The following CSRNP3 variants were observed in gnomAD, a reference collection of about 807,000 sequenced individuals.
The protein encoded by CSRNP3 is cysteine and serine rich nuclear protein 3.
In CSRNP3, 12 loss-of-function variants were observed where a neutral mutation model predicts 48.0. That is an observed-to-expected ratio of 0.25 (90% CI 0.16 to 0.41). The LOEUF is 0.41. Among genes scored for constraint, CSRNP3 ranks in the 10% least tolerant of loss-of-function variants. The pLI is 1.00. For synonymous variants in CSRNP3, 263 were observed against 269.7 expected, an observed-to-expected ratio of 0.98 and a Z score of 0.24; for missense variants, 580 against 724.4, an observed-to-expected ratio of 0.80 and a Z score of 2.29.
At chr2:165,629,846 C>T (rs729869) in intron 4 of CSRNP3, among the ~76,000 whole-genome samples, 38,699 of 152,092 alleles carry the variant, frequency 0.25, 5,607 homozygotes, top group Non-Finnish European at 0.32. Flanking sequence ...CTTTATTTGT[C>T]TTCATTTTGC....
At chr2:165,533,303 T>C (rs1684839146) in intron 3 of CSRNP3, among the ~76,000 whole-genome samples, 1 of 152,192 alleles carries the variant, frequency 6.6e-6, no homozygotes, top group South Asian at 2.1e-4. Context: ...ATACAAAAGT[T>C]CAATTAGAAT....
At chr2:165,583,416 G>A (rs2105285034) in intron 3 of CSRNP3, among the ~76,000 whole-genome samples, 1 of 152,254 alleles carries the variant, frequency 6.6e-6, no homozygotes, top group Middle Eastern at 3.4e-3. Flanking sequence ...TTTTTTAAAA[G>A]TTAAAAATAT....
chr2:165,525,006 G>A (rs1684714517), intron 3 of CSRNP3, among the ~76,000 whole-genome samples: 1 of 152,146 alleles, frequency 6.6e-6, no homozygotes, highest in South Asian at 2.1e-4. Context: ...CTGCAAAATT[G>A]TTTCCCAAAA....
rs1435497829 is a variant in CSRNP3 at position 165,681,569 on chromosome 2, C to A, written c.*1816C>A. 1.3e-5 allele frequency: 2 copies of A among 151,402 alleles called. No homozygotes were observed. The highest frequency in any genetic ancestry group is 2.4e-5 in the African/African-American group (1 of 41,206). 9.4% of individuals were successfully genotyped at this position (151,402 alleles called of 1,614,324 possible). ...TTGGTTTCTGCCCCTTCTCTTCCCC[C>A]CTACATTGGGCCAAATTTATAACTC... On this transcript the variant is annotated 3_prime_UTR_variant, in exon 7 of 7. Coordinates refer to ENST00000651982, the MANE Select transcript of CSRNP3 (RefSeq NM_001172173.2).
intron 2 of CSRNP3, among the ~76,000 whole-genome samples, chr2:165,517,001 T>A (rs970943985): frequency 9.2e-5 from 14 of 152,108 alleles, no homozygotes; most frequent in Admixed American, 5.2e-4. Flanking sequence ...CTATTGTCAT[T>A]GGCTATGATC....
Position 165,654,521 on chromosome 2 carries a change from C to T in CSRNP3, c.149-3240C>T, listed in dbSNP as rs144625317. On this transcript the variant is annotated intron_variant, in intron 4 of 6. Coordinates refer to ENST00000651982, the MANE Select transcript of CSRNP3 (RefSeq NM_001172173.2). ...ATTGCTGTGCTAAGGTCATAATTCT[C>T]TTACTCTCTAATCTTCTGAGTCTCT... 7.4e-3 allele frequency among the ~76,000 whole-genome samples: 1,130 copies of T among 152,326 alleles called. 21 individuals are homozygous for T. Among genetic ancestry groups the T allele is most frequent in the African/African-American group, 0.025 (1,060 of 41,586 alleles).
chr2:165,482,201 T>C (rs1048423150), intron 1 of CSRNP3, among the ~76,000 whole-genome samples: 1 of 152,064 alleles, frequency 6.6e-6, no homozygotes, highest in African/African-American at 2.4e-5. Context: ...GATTCACCAT[T>C]TCCTAAATGG....
At chr2:165,516,708 A>C (rs1006553281) in intron 2 of CSRNP3, among the ~76,000 whole-genome samples, 1 of 152,140 alleles carries the variant, frequency 6.6e-6, no homozygotes, top group Non-Finnish European at 1.5e-5. Context: ...AAACTGACTC[A>C]ATAACCTCTA....
At chr2:165,487,947 A>G (rs1247824123) in intron 1 of CSRNP3, among the ~76,000 whole-genome samples, 1 of 138,492 alleles carries the variant, frequency 7.2e-6, no homozygotes, top group Non-Finnish European at 1.6e-5. Context: ...ACATAACAAT[A>G]TTAACTTTAA....
chr2:165,521,546 C>G (rs533794816), intron 3 of CSRNP3, among the ~76,000 whole-genome samples: 1 of 152,156 alleles, frequency 6.6e-6, no homozygotes, highest in African/African-American at 2.4e-5. Context: ...AAACCAACAC[C>G]CACATGAATT....
intron 4 of CSRNP3, among the ~76,000 whole-genome samples, chr2:165,607,467 A>G (rs550419525): frequency 5.3e-5 from 8 of 152,264 alleles, no homozygotes; most frequent in African/African-American, 1.9e-4. Flanking sequence ...GTAGGGACCC[A>G]TATCTTCCCC....
At chr2:165,489,918 A>G (rs1020266791) in intron 1 of CSRNP3, among the ~76,000 whole-genome samples, 8 of 150,248 alleles carry the variant, frequency 5.3e-5, no homozygotes, top group Admixed American at 1.3e-4. Flanking sequence ...CACCGCTCCT[A>G]TTCAACATAG....
chr2:165,651,908 G>A (rs894584520), intron 4 of CSRNP3, among the ~76,000 whole-genome samples: 2 of 151,970 alleles, frequency 1.3e-5, no homozygotes, highest in East Asian at 1.9e-4. Flanking sequence ...CGCCTGCCTC[G>A]GCCTCTCAAA....
At chr2:165,614,247 A>G (rs1686191832) in intron 4 of CSRNP3, among the ~76,000 whole-genome samples, 1 of 152,118 alleles carries the variant, frequency 6.6e-6, no homozygotes, top group African/African-American at 2.4e-5. Flanking sequence ...TTATCAAAGT[A>G]TAGAAACACT....
intron 4 of CSRNP3, among the ~76,000 whole-genome samples, chr2:165,655,292 G>A (rs542224651): frequency 6.0e-4 from 91 of 152,310 alleles, no homozygotes; most frequent in Non-Finnish European, 9.1e-4. Context: ...ATATGGTAGC[G>A]AAAAGACTGT....
chr2:165,672,787 C>G (rs530909032), intron 5 of CSRNP3, among the ~76,000 whole-genome samples: 10 of 152,244 alleles, frequency 6.6e-5, no homozygotes, highest in African/African-American at 2.4e-4. Flanking sequence ...ATGTAGTGCT[C>G]TGATTTTAAA....
At chr2:165,616,382 T>G (rs1210596708) in intron 4 of CSRNP3, among the ~76,000 whole-genome samples, 1 of 152,196 alleles carries the variant, frequency 6.6e-6, no homozygotes, top group Non-Finnish European at 1.5e-5. Flanking sequence ...CTTTTATGTA[T>G]TTTTATGATG....
intron 3 of CSRNP3, among the ~76,000 whole-genome samples, chr2:165,541,331 T>G (rs190178995): frequency 2.2e-4 from 33 of 152,184 alleles, no homozygotes; most frequent in Admixed American, 1.9e-3. Flanking sequence ...TTTGTTTTAT[T>G]CTTTACTCGA....
chr2:165,538,694 T>A (rs889702489), intron 3 of CSRNP3, among the ~76,000 whole-genome samples: 1 of 151,948 alleles, frequency 6.6e-6, no homozygotes, highest in Non-Finnish European at 1.5e-5. Context: ...AAATAGATAT[T>A]CTATTCCCTT....
Sources: allele counts gnomAD v4.1 joint callset (sites outside exome capture counted in the v4.1 genomes callset), GRCh38; gene constraint gnomAD v4.1.1; transcripts MANE v1.5; gene names NCBI Gene and HGNC (gene_info 2026-07-23, HGNC 2026-07-21).